Variants in GRM5 observed in about 807,000 individuals in gnomAD.
GRM5 encodes glutamate metabotropic receptor 5.
In GRM5, 19 loss-of-function variants were observed where a neutral mutation model predicts 83.1. The observed-to-expected ratio is 0.23, with a 90% CI of 0.16 to 0.34. The LOEUF is 0.34. Among genes scored for constraint, GRM5 ranks in the 10% least tolerant of loss-of-function variants. The pLI is 1.00. For missense variants in GRM5, 1,160 were observed against 1,588.3 expected (o/e 0.73, Z 4.58); for synonymous variants, 675 against 633.6 (o/e 1.07, Z -0.98).
intron 3 of GRM5, among the ~76,000 whole-genome samples, chr11:88,727,425 C>T (rs995368562): frequency 7.2e-5 from 11 of 152,238 alleles, no homozygotes; most frequent in African/African-American, 1.4e-4. Flanking sequence ...TAGATTCAAA[C>T]GCAATAATAG....
intron 1 of GRM5, among the ~76,000 whole-genome samples, chr11:89,064,876 CTCT>C (rs1942063744): frequency 2.1e-5 from 1 of 47,374 alleles, no homozygotes; most frequent in African/African-American, 7.4e-5. Context: ...CTCTCTCTCT[CTCT>C]CTCTCTCTCT....
At chr11:88,565,004 T>A (rs1050438458) in intron 8 of GRM5, among the ~76,000 whole-genome samples, 3 of 152,130 alleles carry the variant, frequency 2.0e-5, no homozygotes, top group African/African-American at 7.2e-5. Flanking sequence ...AATGGTTAAC[T>A]TAGTTAATCA....
At chr11:88,649,920 C>A (rs970472958) in intron 4 of GRM5, among the ~76,000 whole-genome samples, 1 of 151,714 alleles carries the variant, frequency 6.6e-6, no homozygotes, top group Non-Finnish European at 1.5e-5. Context: ...CTATGATAAT[C>A]ATAACACAGT....
At chr11:88,812,195 A>G (rs1590876362) in intron 3 of GRM5, among the ~76,000 whole-genome samples, 1 of 152,204 alleles carries the variant, frequency 6.6e-6, no homozygotes, top group Admixed American at 6.5e-5. Flanking sequence ...ATAAATATCC[A>G]AGAGAAATTG....
chr11:88,735,704 T>A (rs2219747), intron 3 of GRM5, among the ~76,000 whole-genome samples: 114,581 of 151,964 alleles, frequency 0.75, 43,430 homozygotes, highest in South Asian at 0.89. Flanking sequence ...TTAATTTATA[T>A]CTGGAAAATA....
chr11:88,889,945 T>G (rs672981), intron 2 of GRM5, among the ~76,000 whole-genome samples: 41,994 of 152,176 alleles, frequency 0.28, 6,851 homozygotes, highest in Non-Finnish European at 0.37. Flanking sequence ...TTCTGTTCAG[T>G]TTTGCTTTGT....
chr11:88,633,407 C>T (rs551941380), intron 4 of GRM5, among the ~76,000 whole-genome samples: 8 of 152,168 alleles, frequency 5.3e-5, no homozygotes, highest in East Asian at 3.9e-4. Flanking sequence ...GTTTTGCTGT[C>T]GCGTATAAGA....
intron 2 of GRM5, among the ~76,000 whole-genome samples, chr11:89,000,919 T>A (rs2135069122): frequency 6.6e-6 from 1 of 151,896 alleles, no homozygotes; most frequent in East Asian, 1.9e-4. Flanking sequence ...CTGAAGGGAA[T>A]ATACTGATGA....
intron 2 of GRM5, among the ~76,000 whole-genome samples, chr11:88,936,165 T>A (rs1393895025): frequency 6.6e-6 from 1 of 151,862 alleles, no homozygotes; most frequent in African/African-American, 2.4e-5. Flanking sequence ...ACAGCAGCTA[T>A]GTGACTTGAT....
At chr11:88,762,188 G>A (rs1942534096) in intron 3 of GRM5, among the ~76,000 whole-genome samples, 1 of 151,982 alleles carries the variant, frequency 6.6e-6, no homozygotes, top group Non-Finnish European at 1.5e-5. Context: ...ACTGAGAAAT[G>A]AGATCTAATT....
intron 3 of GRM5, among the ~76,000 whole-genome samples, chr11:88,803,073 G>A (rs61902995): frequency 1.4e-5 from 2 of 141,052 alleles, no homozygotes; most frequent in African/African-American, 5.8e-5. Context: ...ATGCTCATGG[G>A]TAGGAAGAAT....
chr11:88,928,494 A>ATGTGTG (rs573997429), intron 2 of GRM5, among the ~76,000 whole-genome samples: 2 of 98,820 alleles, frequency 2.0e-5, no homozygotes, highest in Non-Finnish European at 4.8e-5. Flanking sequence ...GTATATATGT[A>ATGTGTG]TATATATATA....
chr11:88,987,282 A>G (rs1362241263), intron 2 of GRM5, among the ~76,000 whole-genome samples: 3 of 152,102 alleles, frequency 2.0e-5, no homozygotes, highest in Non-Finnish European at 4.4e-5. Context: ...ACTCCCACCC[A>G]AATACTGCGC....
chr11:89,055,882 T>C (rs530180841), intron 1 of GRM5, among the ~76,000 whole-genome samples: 228 of 152,100 alleles, frequency 1.5e-3, no homozygotes, highest in African/African-American at 5.3e-3. Flanking sequence ...TCATACAAAC[T>C]GTAAAATAAG....
intron 2 of GRM5, among the ~76,000 whole-genome samples, chr11:89,040,113 G>A (rs1041273575): frequency 2.6e-5 from 4 of 151,768 alleles, no homozygotes; most frequent in East Asian, 1.9e-4. Flanking sequence ...AAATCTGTAC[G>A]AACATTCTTT....
intron 2 of GRM5, among the ~76,000 whole-genome samples, chr11:89,023,334 C>T (rs916243246): frequency 2.6e-5 from 4 of 152,066 alleles, no homozygotes; most frequent in African/African-American, 9.7e-5. Context: ...GCTCTCTTCT[C>T]CATACTTCCC....
intron 8 of GRM5, among the ~76,000 whole-genome samples, chr11:88,550,352 C>T (rs941606174): frequency 6.6e-6 from 1 of 152,020 alleles, no homozygotes; most frequent in African/African-American, 2.4e-5. Context: ...ATACATGTTC[C>T]ACAACAACTT....
At position 88,955,203 on chromosome 11, in the gene GRM5, T is replaced by C. The variant is rs764122949; in HGVS notation, c.661+92009A>G. ...AGTTACAGAACCAGAAGGAGTTTAC[T>C]GTTATCATTCTTCAAGAATAAAAAG... On this transcript the variant is annotated intron_variant, in intron 2 of 9. Coordinates refer to ENST00000305447, the MANE Select transcript of GRM5 (RefSeq NM_001143831.3). Among the ~76,000 whole-genome samples, 87 of 152,232 alleles carry C rather than the reference T, an allele frequency of 5.7e-4. 1 individual carries two copies. The highest frequency in any genetic ancestry group is 7.5e-4 in the Non-Finnish European group (51 of 68,052).
chr11:88,669,849 A>C (rs777508051), intron 3 of GRM5, among the ~76,000 whole-genome samples: 8 of 152,056 alleles, frequency 5.3e-5, no homozygotes, highest in Admixed American at 6.6e-5. Flanking sequence ...TAATTCTCTT[A>C]AAGTCGATTA....
Sources: allele counts gnomAD v4.1 joint callset (sites outside exome capture counted in the v4.1 genomes callset), GRCh38; gene constraint gnomAD v4.1.1; transcripts MANE v1.5; gene names NCBI Gene and HGNC (gene_info 2026-07-23, HGNC 2026-07-21).